CHAF1B: variants seen among roughly 807,000 people sequenced by gnomAD.
The protein encoded by CHAF1B is chromatin assembly factor 1 subunit B.
In CHAF1B, 10 loss-of-function variants were observed where a neutral mutation model predicts 60.7. The observed-to-expected ratio is 0.16, with a 90% CI of 0.10 to 0.28. The LOEUF is 0.28. Among genes scored for constraint, CHAF1B ranks in the 10% least tolerant of loss-of-function variants. The pLI is 1.00. For missense variants in CHAF1B, 558 were observed against 708.4 expected, an observed-to-expected ratio of 0.79 and a Z score of 2.41; for synonymous variants, 261 against 266.1, an observed-to-expected ratio of 0.98 and a Z score of 0.19.
At chr21:36,391,712 G>A (rs1423875464) in intron 4 of CHAF1B, 44 bp downstream of exon 4, 2 of 1,228,766 alleles carry the variant, frequency 1.6e-6, no homozygotes, top group South Asian at 1.2e-5. Context: ...TTTACGATGA[G>A]TGCATTAAAT....
At chr21:36,409,180 T>TTA (rs1208900572) in intron 9 of CHAF1B, among the ~76,000 whole-genome samples, 194 bp from the exon 10 acceptor site, 3 of 149,630 alleles carry the variant, frequency 2.0e-5, no homozygotes, top group African/African-American at 7.4e-5. Flanking sequence ...TTTTTTTTTT[T>TTA]AGTAGAGATG....
At chr21:36,393,463 T>G (rs967180654) in intron 4 of CHAF1B, among the ~76,000 whole-genome samples, 1 of 150,086 alleles carries the variant, frequency 6.7e-6, no homozygotes, top group African/African-American at 2.4e-5. Context: ...TTTTTTTTTT[T>G]TTTTTTAGAT....
In CHAF1B at chr21:36,402,661, C is replaced by T. The variant is rs368588534; in HGVS notation, c.664-97C>T. 18 of 895,810 alleles carry T rather than the reference C, an allele frequency of 2.0e-5. 1 individual carries two copies. The Admixed American group carries it at 2.1e-4, about 10-fold the overall frequency. The allele number at this position is 895,810 out of a possible 1,614,324, so 55.5% of individuals were successfully genotyped here. Reference sequence around the variant, plus strand: ...ATAGGCACATATAGCAGTTGGGAAGCGTTTATTTGTGAGTGTAAAGATTTG... The same window carrying T: ...ATAGGCACATATAGCAGTTGGGAAGTGTTTATTTGTGAGTGTAAAGATTTG... On this transcript the variant is annotated intron_variant, in intron 7 of 13. Coordinates refer to ENST00000314103, the MANE Select transcript of CHAF1B (RefSeq NM_005441.3).
At position 36,413,097 on chromosome 21, in the gene CHAF1B, A is replaced by T. The variant is rs767663024; in HGVS notation, c.1275A>T (p.Gln425His). 1 of 1,614,134 alleles carries T rather than the reference A, an allele frequency of 6.2e-7. No homozygotes were observed. The highest frequency in any genetic ancestry group is 1.1e-5 in the South Asian group (1 of 91,078). ...PVEGTPASRT[Q>H]DPSSPGTTPP... is the part of the protein sequence containing the mutation. Reference sequence around the variant, plus strand: ...AGGGAACCCCTGCCAGCAGAACCCAAGACCCCAGCAGCCCCGGCACGACTC... The same window carrying T: ...AGGGAACCCCTGCCAGCAGAACCCATGACCCCAGCAGCCCCGGCACGACTC... The change falls in exon 12 of 14, where the codon CAA becomes CAT. Residue 425 changes from glutamine (Q) to histidine (H), a missense_variant. Transcript: ENST00000314103.
Position 36,412,996 on chromosome 21 carries a change from A to C in CHAF1B, c.1174A>C (p.Met392Leu). Residue 392 changes from methionine to leucine, a missense_variant, in exon 12 of 14, where the codon ATG (methionine) becomes CTG (leucine). Physicochemically the swap from Met to Leu is conservative, Grantham distance 15 (BLOSUM62 2). This residue lies in a region of CHAF1B where 233 missense variants were observed against 214.9 expected (regional missense o/e 1.08). Coordinates refer to ENST00000314103, the MANE Select transcript of CHAF1B (RefSeq NM_005441.3). ...TTTGAAAGAGAAGCCAGTTTTGAACATGAGAACTCCTGATACAGCAAAGAA... is the reference window on the plus strand; with the variant it reads ...TTTGAAAGAGAAGCCAGTTTTGAACCTGAGAACTCCTGATACAGCAAAGAA... ...IPLKEKPVLN[M>L]RTPDTAKKTK... 6.2e-7 allele frequency: 1 copy of C among 1,614,220 alleles called. No individual in the cohort carries two copies. The highest frequency in any genetic ancestry group is 1.3e-5 in the African/African-American group (1 of 75,064).
intron 4 of CHAF1B, among the ~76,000 whole-genome samples, chr21:36,391,928 T>A (rs1032396284): frequency 7.1e-6 from 1 of 141,508 alleles, no homozygotes; most frequent in African/African-American, 2.7e-5. Flanking sequence ...TTTTTTTTTT[T>A]TTTTTTTTTA....
intron 4 of CHAF1B, 70 bp from the exon 5 acceptor site, chr21:36,394,477 T>C: frequency 9.1e-7 from 1 of 1,102,106 alleles, no homozygotes; most frequent in South Asian, 1.3e-5. Flanking sequence ...CCCAAAGTGC[T>C]GGGATTACAG....
At chr21:36,391,407 T>C (rs1287088208) in intron 3 of CHAF1B, 144 bp from the exon 4 acceptor site, 1 of 467,716 alleles carries the variant, frequency 2.1e-6, no homozygotes, top group Non-Finnish European at 3.9e-6. Context: ...GAGGTTGCAG[T>C]GAGCCAAGAT....
chr21:36,391,907 ATTTTTTTTTTTTTT>A (rs55920360), intron 4 of CHAF1B, among the ~76,000 whole-genome samples: 5 of 67,042 alleles, frequency 7.5e-5, no homozygotes, highest in Admixed American at 2.0e-4. Flanking sequence ...TGATTTTTAA[ATTTTTTTTTTTTTT>A]TTTTTTTTTT....
chr21:36,399,505 CAT>C lies in CHAF1B; in HGVS notation c.579-15_579-14del. The stretch of plus-strand genomic sequence containing the variant: ...CATTTACTAGAAGTGGTAAATCAGA[CAT>C]GTTCTTTCTTCAGGGTGCTGCGAGT... On this transcript the variant is annotated splice_polypyrimidine_tract_variant and intron_variant, in intron 6 of 13. Coordinates refer to ENST00000314103, the MANE Select transcript of CHAF1B (RefSeq NM_005441.3). 6.2e-7 allele frequency: 1 copy of C among 1,608,242 alleles called. No individual in the cohort carries two copies. The highest frequency in any genetic ancestry group is 8.5e-7 in the Non-Finnish European group (1 of 1,175,746).
Position 36,417,006 on chromosome 21 carries a change from T to A in CHAF1B, c.*640T>A, listed in dbSNP as rs1400866184. On this transcript the variant is annotated 3_prime_UTR_variant, in exon 14 of 14. Coordinates refer to ENST00000314103, the MANE Select transcript of CHAF1B (RefSeq NM_005441.3). ...TATTCTAAAAAGAGAATTGAGATTT[T>A]ATTTCATATGCAATTTGGTATCTAA... 6.6e-6 allele frequency: 1 copy of A among 152,242 alleles called. No homozygotes were observed. The highest frequency in any genetic ancestry group is 2.4e-5 in the African/African-American group (1 of 41,468). The allele number at this position is 152,242 out of a possible 1,614,324, so 9.4% of individuals were successfully genotyped here. A position where few individuals can be genotyped will look rare whatever the true frequency, so the allele number is the denominator to read the frequency against.
At chr21:36,407,893 G>A (rs2086250164) in intron 8 of CHAF1B, among the ~76,000 whole-genome samples, 1 of 151,968 alleles carries the variant, frequency 6.6e-6, no homozygotes, top group Non-Finnish European at 1.5e-5. Flanking sequence ...CAGGGGAATT[G>A]CTTGAATCTG....
rs760031631 is a variant in CHAF1B, at chr21:36,416,324, A to G, written c.1638A>G (p.Arg546=). 47 of 1,613,918 alleles carry G rather than the reference A, an allele frequency of 2.9e-5. No homozygotes were observed. The highest frequency in any genetic ancestry group is 4.0e-5 in the Non-Finnish European group (47 of 1,179,982). Residue 546 remains arginine, a synonymous_variant, in exon 14 of 14, where the codon AGA becomes AGG. Coordinates refer to ENST00000314103, the MANE Select transcript of CHAF1B (RefSeq NM_005441.3). ...GTCCCCCAGAGCTAAAGCGGCCCAG[A>G]CTCGATGAAAACAAAGGAGGCACGG... is the stretch of plus-strand genomic sequence containing the variant. ...QGSPPELKRP[R]LDENKGGTES...
At chr21:36,402,486 A>T (rs917806500) in intron 7 of CHAF1B, among the ~76,000 whole-genome samples, 12 of 152,358 alleles carry the variant, frequency 7.9e-5, no homozygotes, top group African/African-American at 2.9e-4. Context: ...TAAAACACAC[A>T]TATATACATA....
At position 36,416,410 on chromosome 21, in the gene CHAF1B, G is replaced by T; in HGVS notation, c.*44G>T. 6.6e-7 allele frequency: 1 copy of T among 1,525,988 alleles called. No homozygotes were observed. The highest frequency in any genetic ancestry group is 9.0e-7 in the Non-Finnish European group (1 of 1,111,004). 94.5% of individuals were successfully genotyped at this position (1,525,988 alleles called of 1,614,324 possible). ...TCGAAGCCTACCAGGCTCCCGGTGT[G>T]TGCAGGGAGACGGTAAAGCTGGAGG... On this transcript the variant is annotated 3_prime_UTR_variant, in exon 14 of 14. Transcript: ENST00000314103.
At chr21:36,399,804 C>A (rs1042005216) in intron 7 of CHAF1B, among the ~76,000 whole-genome samples, 199 bp downstream of exon 7, 5 of 152,108 alleles carry the variant, frequency 3.3e-5, no homozygotes, top group African/African-American at 1.2e-4. Context: ...CATCTGGAGA[C>A]CAGGGTAGAG....
chr21:36,395,647 T>A (rs1156380465), intron 5 of CHAF1B, among the ~76,000 whole-genome samples: 1 of 152,114 alleles, frequency 6.6e-6, no homozygotes, highest in Non-Finnish European at 1.5e-5. Context: ...TGGGATCAGG[T>A]TTCCATTTTA....
Position 36,391,442 on chromosome 21 carries a change from C to T in CHAF1B, c.260-109C>T, listed in dbSNP as rs145410160. The T allele has an allele frequency of 1.9e-3, 1,108 of 589,380 alleles. 4 individuals are homozygous for T. In the African/African-American group the frequency reaches 0.019, roughly 10 times the overall value. The allele number at this position is 589,380 out of a possible 1,614,324, so 36.5% of individuals were successfully genotyped here. A position where few individuals can be genotyped will look rare whatever the true frequency, so the allele number is the denominator to read the frequency against. Reference sequence around the variant, plus strand: ...TTGCGCCACTGCACTCCAGCCTGGGCGACAGGGTGAGACTCCGTCTCAAAA... The same window carrying T: ...TTGCGCCACTGCACTCCAGCCTGGGTGACAGGGTGAGACTCCGTCTCAAAA... On this transcript the variant is annotated intron_variant, in intron 3 of 13. Coordinates refer to ENST00000314103, the MANE Select transcript of CHAF1B (RefSeq NM_005441.3).
At position 36,391,654 on chromosome 21, in the gene CHAF1B, T is replaced by A; in HGVS notation, c.363T>A (p.Val121=). Residue 121 remains valine, a synonymous_variant, in exon 4 of 14, where the codon GTT becomes GTA. Transcript: ENST00000314103. ...AGCTGAACAAGGAGAACTGGACGGT[T>A]GTGAAGACTCTGCGGTAACTTGGGA... ...EAQLNKENWT[V]VKTLRGHLED... 6.2e-7 allele frequency: 1 copy of A among 1,610,274 alleles called. No homozygotes were observed. Among genetic ancestry groups the A allele is most frequent in the Non-Finnish European group, 8.5e-7 (1 of 1,176,798 alleles).
Sources: gnomAD v4.1 joint callset for allele counts (sites outside exome capture counted in the v4.1 genomes callset) on GRCh38, gnomAD v4.1.1 for gene constraint, gnomAD v4.1.1 regional missense constraint, MANE v1.5 for transcripts, NCBI Gene and HGNC (gene_info 2026-07-23, HGNC 2026-07-21) for gene names.